The following RRP15 variants were observed in gnomAD, a reference collection of about 807,000 sequenced individuals.
RRP15 encodes RRP15-like protein.
In RRP15, 18 loss-of-function variants were observed where a neutral mutation model predicts 27.1. That is an observed-to-expected ratio of 0.66 (90% CI 0.46 to 0.98). The LOEUF (loss-of-function observed/expected upper bound fraction) is 0.98, where lower values mean the gene tolerates loss of function less well. Ranked by LOEUF, RRP15 falls within the 50% of genes least tolerant of loss-of-function variation. The probability of loss-of-function intolerance (pLI) is 0.00; values close to 1 mark genes in which losing one functional copy is unlikely to be tolerated. For missense variants in RRP15, 359 were observed against 337.8 expected, an observed-to-expected ratio of 1.06 and a Z score of -0.49; for synonymous variants, 107 against 109.4, an observed-to-expected ratio of 0.98 and a Z score of 0.14.
At chr1:218,288,507 C>A (rs938509642) in intron 1 of RRP15, among the ~76,000 whole-genome samples, 8 of 152,162 alleles carry the variant, frequency 5.3e-5, no homozygotes, top group Admixed American at 3.9e-4. Flanking sequence ...TATTATCCTC[C>A]TGTTACATTT....
chr1:218,297,640 C>T (rs1177984977), intron 1 of RRP15, among the ~76,000 whole-genome samples: 11 of 152,100 alleles, frequency 7.2e-5, no homozygotes, highest in Non-Finnish European at 8.8e-5. Context: ...ACGTTTTTAC[C>T]GGGAGTTCTG....
At chr1:218,306,424 G>T (rs950595819) in intron 3 of RRP15, among the ~76,000 whole-genome samples, 7 of 152,114 alleles carry the variant, frequency 4.6e-5, no homozygotes, top group Non-Finnish European at 1.0e-4. Context: ...GTCGGGGGGA[G>T]ATGTTACCTC....
At chr1:218,314,529 G>C (rs1160226207) in intron 4 of RRP15, among the ~76,000 whole-genome samples, 1 of 152,070 alleles carries the variant, frequency 6.6e-6, no homozygotes, top group Non-Finnish European at 1.5e-5. Flanking sequence ...AGAATATATT[G>C]GCTGCTCTTA....
chr1:218,319,299 A>G (rs1656141150), intron 4 of RRP15, among the ~76,000 whole-genome samples: 2 of 152,278 alleles, frequency 1.3e-5, no homozygotes, highest in Admixed American at 6.5e-5. Flanking sequence ...TCCTGACCTC[A>G]GGTGATCCAC....
intron 1 of RRP15, 191 bp from the exon 2 acceptor site, chr1:218,302,103 T>G (rs1571797036): frequency 3.8e-6 from 2 of 521,588 alleles, no homozygotes; most frequent in South Asian, 6.5e-5. Flanking sequence ...CTGGGCGAGG[T>G]CTCTGGGAGC....
At position 218,307,523 on chromosome 1, in the gene RRP15, C is replaced by T. The variant is rs1186966150; in HGVS notation, c.596C>T (p.Ala199Val). ...KEAGSSMRKR[A>V]KLISTVSKKD... is the part of the protein sequence containing the mutation. ...GCTGGAAGTTCTATGAGAAAGCGTGCTAAGTTGATATCAACTGTTTCCAAG... is the reference window on the plus strand; with the variant it reads ...GCTGGAAGTTCTATGAGAAAGCGTGTTAAGTTGATATCAACTGTTTCCAAG... Residue 199 changes from alanine to valine, a missense_variant, in exon 4 of 5, where the codon GCT becomes GTT. Transcript: ENST00000366932. 1 of 1,613,590 alleles carries T rather than the reference C, an allele frequency of 6.2e-7. No homozygotes were observed. The highest frequency in any genetic ancestry group is 1.3e-5 in the African/African-American group (1 of 74,898).
At chr1:218,297,406 T>C (rs1405275342) in intron 1 of RRP15, among the ~76,000 whole-genome samples, 1 of 152,202 alleles carries the variant, frequency 6.6e-6, no homozygotes, top group Non-Finnish European at 1.5e-5. Context: ...GTGTGTGGTG[T>C]GTAATCAGCA....
chr1:218,296,169 A>G (rs1325053938), intron 1 of RRP15, among the ~76,000 whole-genome samples: 2 of 152,224 alleles, frequency 1.3e-5, no homozygotes, highest in Non-Finnish European at 2.9e-5. Flanking sequence ...ATGTTTTAAA[A>G]TATTTAATGA....
intron 4 of RRP15, among the ~76,000 whole-genome samples, chr1:218,318,776 AC>A (rs1482267762): frequency 1.4e-5 from 2 of 147,226 alleles, no homozygotes; most frequent in Non-Finnish European, 3.0e-5. Context: ...CACCCTCCCC[AC>A]CTCCCAGTTA....
rs778901332 is a variant in RRP15 at position 218,332,324 on chromosome 1, CTT to C, written c.*1236_*1237del. On this transcript the variant is annotated 3_prime_UTR_variant, in exon 5 of 5. Coordinates refer to ENST00000366932, the MANE Select transcript of RRP15 (RefSeq NM_016052.4). The stretch of plus-strand genomic sequence containing the variant: ...CCTTAAAGGCTATTAAATTGGGTGA[CTT>C]TTAGTATCCAGCTGTTAAAAAGAGG... 7.9e-5 allele frequency: 12 copies of C among 152,104 alleles called. No individual in the cohort carries two copies. The highest frequency in any genetic ancestry group is 1.8e-4 in the Non-Finnish European group (12 of 68,020). The allele number at this position is 152,104 out of a possible 1,614,324, so 9.4% of individuals were successfully genotyped here. A position where few individuals can be genotyped will look rare whatever the true frequency, so the allele number is the denominator to read the frequency against.
At chr1:218,318,458 C>G (rs1571805590) in intron 4 of RRP15, among the ~76,000 whole-genome samples, 1 of 151,928 alleles carries the variant, frequency 6.6e-6, no homozygotes, top group East Asian at 1.9e-4. Flanking sequence ...AATAATGAAT[C>G]CAGGCCAGTT....
At position 218,332,936 on chromosome 1, in the gene RRP15, T is replaced by C. The variant is rs546825848; in HGVS notation, c.*1845T>C. The C allele has an allele frequency of 6.6e-6, 1 of 151,938 alleles. No individual in the cohort carries two copies. The highest frequency in any genetic ancestry group is 1.9e-4 in the East Asian group (1 of 5,158). The allele number at this position is 151,938 out of a possible 1,614,324, so 9.4% of individuals were successfully genotyped here. On this transcript the variant is annotated 3_prime_UTR_variant, in exon 5 of 5. Transcript: ENST00000366932. The stretch of plus-strand genomic sequence containing the variant: ...TCCCCAGAACTAAGATTACACTTAA[T>C]TTAATTTAATGTGTTTCTGCGTTAT...
intron 4 of RRP15, 31 bp downstream of exon 4, chr1:218,307,663 C>T: frequency 6.8e-7 from 1 of 1,460,310 alleles, no homozygotes; most frequent in Non-Finnish European, 9.5e-7. Flanking sequence ...TTCAGTGTAT[C>T]AGACTTTCAG....
rs566725423 is a variant in RRP15 at position 218,289,218 on chromosome 1, G to A, written c.139+3763G>A. On this transcript the variant is annotated intron_variant, in intron 1 of 4. Transcript: ENST00000366932. ...TCCCACCTTTGGTAATGTGGTATTT[G>A]TAAGCTGGAGCTCTCCCCAGAAAAG... 3.9e-5 allele frequency among the ~76,000 whole-genome samples: 6 copies of A among 152,266 alleles called. No individual in the cohort carries two copies. In the East Asian group the frequency reaches 1.2e-3, roughly 29 times the overall value.
chr1:218,321,248 G>C (rs1053636515), intron 4 of RRP15, among the ~76,000 whole-genome samples: 94 of 152,194 alleles, frequency 6.2e-4, no homozygotes, highest in African/African-American at 2.3e-3. Context: ...GGAAGGTGGG[G>C]ACTGTTTGTT....
rs1050549580 is a variant in RRP15, at chr1:218,336,153, A to G, written c.*5062A>G. 4 of 152,078 alleles carry G rather than the reference A, an allele frequency of 2.6e-5. No individual in the cohort carries two copies. Among genetic ancestry groups the G allele is most frequent in the Admixed American group, 6.6e-5 (1 of 15,266 alleles). 9.4% of individuals were successfully genotyped at this position (152,078 alleles called of 1,614,324 possible). The stretch of plus-strand genomic sequence containing the variant: ...TTTAGGAGGTTTCCTAAGTAAGTGT[A>G]TTTAGTTGTAGGACCTTAGAGTTGC... On this transcript the variant is annotated 3_prime_UTR_variant, in exon 5 of 5. Coordinates refer to ENST00000366932, the MANE Select transcript of RRP15 (RefSeq NM_016052.4).
intron 4 of RRP15, among the ~76,000 whole-genome samples, chr1:218,310,632 C>CGCT (rs34970729): frequency 1.7e-4 from 26 of 151,732 alleles, no homozygotes; most frequent in Middle Eastern, 6.9e-3. Context: ...TTTTAAAGAA[C>CGCT]TTTTTTAAAA....
intron 4 of RRP15, among the ~76,000 whole-genome samples, chr1:218,313,882 C>G (rs1482458269): frequency 6.6e-6 from 1 of 152,142 alleles, no homozygotes; most frequent in Non-Finnish European, 1.5e-5. Context: ...AGCTGTAATT[C>G]TTCGATCAAA....
chr1:218,312,171 T>C (rs974439901), intron 4 of RRP15, among the ~76,000 whole-genome samples: 1 of 152,190 alleles, frequency 6.6e-6, no homozygotes, highest in Non-Finnish European at 1.5e-5. Flanking sequence ...CTACCTAGTT[T>C]GTAGCAATTT....
Sources: allele counts gnomAD v4.1 joint callset (sites outside exome capture counted in the v4.1 genomes callset), GRCh38; gene constraint gnomAD v4.1.1; transcripts MANE v1.5; gene names NCBI Gene and HGNC (gene_info 2026-07-23, HGNC 2026-07-21).